PCCA: variants seen among roughly 807,000 people sequenced by gnomAD.
PCCA encodes propionyl-CoA carboxylase subunit alpha.
In PCCA, 74 loss-of-function variants were observed where a neutral mutation model predicts 101.3. The ratio of observed to expected loss-of-function variants is 0.73; its 90% CI spans 0.61 to 0.89. PCCA has a LOEUF of 0.89. Ranked by LOEUF, PCCA falls within the 40% of genes least tolerant of loss-of-function variation. PCCA has a pLI of 0.00. For missense variants in PCCA, 891 were observed against 907.0 expected, an observed-to-expected ratio of 0.98 and a Z score of 0.23; for synonymous variants, 294 against 313.6, an observed-to-expected ratio of 0.94 and a Z score of 0.66.
rs771727338 is a variant in PCCA at position 100,237,918 on chromosome 13, ACTTT to A, written c.637+2061_637+2064del. ...TTGCTTCCTTTATGCCTTTTCTTCC[ACTTT>A]CTTTCTTTCTTTCTTTCTTTTTTTT... On this transcript the variant is annotated intron_variant, in intron 8 of 23. Coordinates refer to ENST00000376285, the MANE Select transcript of PCCA (RefSeq NM_000282.4). Among the ~76,000 whole-genome samples the A allele has an allele frequency of 1.2e-3, 168 of 142,570 alleles. 1 individual carries two copies. The highest frequency in any genetic ancestry group is 3.6e-3 in the Middle Eastern group (1 of 278). The allele number at this position is 142,570 out of a possible 152,430, so 93.5% of individuals were successfully genotyped here.
At chr13:100,145,043 G>A (rs1012441917) in intron 4 of PCCA, among the ~76,000 whole-genome samples, 8 of 152,170 alleles carry the variant, frequency 5.3e-5, no homozygotes, top group African/African-American at 1.9e-4. Flanking sequence ...AACAGGTAGA[G>A]CCATATCTTG....
intron 15 of PCCA, 144 bp downstream of exon 15, chr13:100,307,404 G>T (rs1355463308): frequency 4.5e-6 from 3 of 668,608 alleles, no homozygotes; most frequent in Non-Finnish European, 7.7e-6. Context: ...AGCAGAGCAG[G>T]TTTTTTCTCT....
intron 6 of PCCA, among the ~76,000 whole-genome samples, chr13:100,203,143 G>A (rs1362292220): frequency 6.6e-6 from 1 of 151,782 alleles, no homozygotes; most frequent in African/African-American, 2.4e-5. Flanking sequence ...GCGTGGTGGT[G>A]CGCGTCTGTA....
chr13:100,184,746 T>A (rs1186806249), intron 6 of PCCA, among the ~76,000 whole-genome samples: 1 of 152,256 alleles, frequency 6.6e-6, no homozygotes, highest in African/African-American at 2.4e-5. Flanking sequence ...TTTCATGTAA[T>A]TTTAACATGT....
intron 19 of PCCA, among the ~76,000 whole-genome samples, chr13:100,401,362 G>A (rs978621736): frequency 3.7e-4 from 56 of 151,974 alleles, no homozygotes; most frequent in African/African-American, 4.8e-5. Flanking sequence ...TCCTGCTTCA[G>A]CCTCCCGAGT....
chr13:100,201,885 A>C (rs2058531356), intron 6 of PCCA, among the ~76,000 whole-genome samples: 1 of 141,576 alleles, frequency 7.1e-6, no homozygotes, highest in South Asian at 2.3e-4. Context: ...AAAAAAAAAA[A>C]AAACCAAAAG....
intron 20 of PCCA, among the ~76,000 whole-genome samples, chr13:100,441,464 G>A (rs1404465749): frequency 1.3e-5 from 2 of 152,068 alleles, no homozygotes; most frequent in Non-Finnish European, 2.9e-5. Flanking sequence ...TTGATTTATT[G>A]TTTTGCAAAT....
At chr13:100,178,452 T>C (rs571360132) in intron 6 of PCCA, among the ~76,000 whole-genome samples, 1 of 152,376 alleles carries the variant, frequency 6.6e-6, no homozygotes, top group Admixed American at 6.5e-5. Context: ...TCAAATTATT[T>C]GCTTCTCAAT....
intron 4 of PCCA, 114 bp from the exon 5 acceptor site, chr13:100,154,865 C>G (rs983391662): frequency 2.6e-6 from 2 of 773,718 alleles, no homozygotes; most frequent in Middle Eastern, 2.4e-4. Context: ...AAAAGAAATA[C>G]GACTCTATAA....
At chr13:100,438,964 A>G (rs2080145923) in intron 20 of PCCA, among the ~76,000 whole-genome samples, 1 of 152,218 alleles carries the variant, frequency 6.6e-6, no homozygotes, top group African/African-American at 2.4e-5. Context: ...GTCAGAGTGG[A>G]ATGTAGTCCT....
At chr13:100,115,075 G>A (rs918537044) in intron 4 of PCCA, among the ~76,000 whole-genome samples, 4 of 152,098 alleles carry the variant, frequency 2.6e-5, no homozygotes, top group African/African-American at 4.8e-5. Context: ...ACATATGTAC[G>A]GTACCATTCA....
rs9585366 is a variant in PCCA, at chr13:100,155,196, C to T, written c.414+104C>T. Reference sequence around the variant, plus strand: ...AAATAGGAAAGAATGATTGAAAATGCTGTTGCAGTTAGTTCATGTCACATG... The same window carrying T: ...AAATAGGAAAGAATGATTGAAAATGTTGTTGCAGTTAGTTCATGTCACATG... On this transcript the variant is annotated intron_variant, in intron 5 of 23. Transcript: ENST00000376285. 0.16 allele frequency: 129,561 copies of T among 809,264 alleles called. 11,364 individuals are homozygous for T. The highest frequency in any genetic ancestry group is 0.21 in the Middle Eastern group (858 of 4,108). The allele number at this position is 809,264 out of a possible 1,614,324, so 50.1% of individuals were successfully genotyped here.
chr13:100,186,469 G>C (rs1450373256), intron 6 of PCCA, among the ~76,000 whole-genome samples: 1 of 152,036 alleles, frequency 6.6e-6, no homozygotes, highest in African/African-American at 2.4e-5. Context: ...GGGGCCGGGC[G>C]TGGTGGCTCA....
At chr13:100,089,270 C>G (rs1369408739) in intron 1 of PCCA, 45 bp downstream of exon 1, 33 of 1,421,692 alleles carry the variant, frequency 2.3e-5, no homozygotes, top group Non-Finnish European at 2.9e-5. Context: ...CACTGGGCTT[C>G]TAGCCGTGCC....
intron 1 of PCCA, among the ~76,000 whole-genome samples, chr13:100,096,884 A>C (rs1263334866): frequency 6.6e-6 from 1 of 152,172 alleles, no homozygotes; most frequent in African/African-American, 2.4e-5. Context: ...AGGTTGGTTC[A>C]TGGGGTTTAA....
At chr13:100,343,920 C>T (rs2071782525) in intron 18 of PCCA, among the ~76,000 whole-genome samples, 1 of 151,992 alleles carries the variant, frequency 6.6e-6, no homozygotes, top group Non-Finnish European at 1.5e-5. Context: ...ACTAAAAATA[C>T]AAAAATTAGC....
intron 22 of PCCA, among the ~76,000 whole-genome samples, chr13:100,522,947 T>A (rs1033855460): frequency 7.2e-5 from 11 of 152,258 alleles, no homozygotes; most frequent in African/African-American, 2.7e-4. Context: ...CACCTTCTGA[T>A]GAATATCTGG....
At chr13:100,164,581 TA>T (rs1172383574) in intron 6 of PCCA, among the ~76,000 whole-genome samples, 12 of 152,358 alleles carry the variant, frequency 7.9e-5, no homozygotes, top group Admixed American at 7.8e-4. Context: ...CCAATTCATG[TA>T]ATCAACTTTC....
At chr13:100,329,304 A>G (rs907051659) in intron 16 of PCCA, among the ~76,000 whole-genome samples, 2 of 152,198 alleles carry the variant, frequency 1.3e-5, no homozygotes, top group Non-Finnish European at 2.9e-5. Context: ...GATGTAAAGC[A>G]GCAGAGACAA....
Sources: allele counts gnomAD v4.1 joint callset (sites outside exome capture counted in the v4.1 genomes callset), GRCh38; gene constraint gnomAD v4.1.1; transcripts MANE v1.5; gene names NCBI Gene and HGNC (gene_info 2026-07-23, HGNC 2026-07-21).